Variants in GMPR observed in about 807,000 individuals in gnomAD.
The protein encoded by GMPR is guanosine monophosphate reductase, also known as GMP reductase 1.
A neutral mutation model predicts 38.4 loss-of-function variants in GMPR; 31 were observed. The ratio of observed to expected loss-of-function variants is 0.81; its 90% CI spans 0.61 to 1.09. The LOEUF (loss-of-function observed/expected upper bound fraction) is 1.09, where lower values mean the gene tolerates loss of function less well. GMPR is among the 50% of genes least tolerant of loss of function. The probability of loss-of-function intolerance (pLI) is 0.00; values close to 1 mark genes in which losing one functional copy is unlikely to be tolerated. For synonymous variants in GMPR, 162 were observed against 173.3 expected (o/e 0.93, Z 0.51); for missense variants, 468 against 453.7 (o/e 1.03, Z -0.29).
At chr6:16,266,258 T>C (rs557625309) in intron 4 of GMPR, among the ~76,000 whole-genome samples, 1 of 151,598 alleles carries the variant, frequency 6.6e-6, no homozygotes, top group South Asian at 2.1e-4. Context: ...GCTGTAACAC[T>C]CACTGCGAAG....
chr6:16,240,519 C>T (rs1275184570), intron 1 of GMPR, among the ~76,000 whole-genome samples: 3 of 152,168 alleles, frequency 2.0e-5, no homozygotes. Flanking sequence ...ACCTGTAGTC[C>T]CAGCTACTTG....
chr6:16,265,054 A>C (rs1759165086), intron 4 of GMPR, among the ~76,000 whole-genome samples: 1 of 152,164 alleles, frequency 6.6e-6, no homozygotes. Context: ...AAAGAGAATA[A>C]TGTGTTCTCG....
At chr6:16,264,953 C>T (rs1275278506) in intron 4 of GMPR, among the ~76,000 whole-genome samples, 2 of 152,140 alleles carry the variant, frequency 1.3e-5, no homozygotes, top group Non-Finnish European at 2.9e-5. Flanking sequence ...TTTTAGAGAA[C>T]ACCTTTGTCA....
At chr6:16,242,224 G>T (rs1299490343) in intron 1 of GMPR, among the ~76,000 whole-genome samples, 2 of 152,150 alleles carry the variant, frequency 1.3e-5, no homozygotes, top group Non-Finnish European at 2.9e-5. Context: ...AAGAGTTCTG[G>T]TCTAGCTTTC....
At chr6:16,266,175 AACACTTGCCATCTTTAAGAG>A (rs1278997876) in intron 4 of GMPR, among the ~76,000 whole-genome samples, 16 of 67,942 alleles carry the variant, frequency 2.4e-4, no homozygotes, top group Admixed American at 4.0e-4. Context: ...TAAGAGCTGT[AACACTTGCCATCTTTAAGAG>A]CTGTAACACT....
At chr6:16,266,982 G>A (rs538572767) in intron 4 of GMPR, among the ~76,000 whole-genome samples, 1 of 151,792 alleles carries the variant, frequency 6.6e-6, no homozygotes, top group Non-Finnish European at 1.5e-5. Flanking sequence ...GAACCCACGA[G>A]GAGGAACGAA....
At chr6:16,279,723 G>C (rs1759542946) in intron 6 of GMPR, among the ~76,000 whole-genome samples, 2 of 152,184 alleles carry the variant, frequency 1.3e-5, no homozygotes, top group South Asian at 4.1e-4. Flanking sequence ...ACCTGAGAGG[G>C]GCAGGCGTGA....
At chr6:16,254,054 C>T (rs1758926931) in intron 3 of GMPR, among the ~76,000 whole-genome samples, 1 of 152,118 alleles carries the variant, frequency 6.6e-6, no homozygotes, top group Admixed American at 6.5e-5. Context: ...CCTCAGCCTC[C>T]CAAGGAGCTG....
chr6:16,275,121 G>C (rs1441201845), intron 5 of GMPR, among the ~76,000 whole-genome samples: 1 of 152,128 alleles, frequency 6.6e-6, no homozygotes, highest in Non-Finnish European at 1.5e-5. Context: ...CATGGGGCAG[G>C]GTTACTGTTC....
At chr6:16,247,444 G>T (rs1561819153) in intron 2 of GMPR, among the ~76,000 whole-genome samples, 1 of 151,082 alleles carries the variant, frequency 6.6e-6, no homozygotes, top group African/African-American at 2.4e-5. Flanking sequence ...ACGTGATCTT[G>T]GCTCACTGCA....
intron 1 of GMPR, among the ~76,000 whole-genome samples, chr6:16,242,214 A>T (rs979166615): frequency 6.6e-6 from 1 of 152,130 alleles, no homozygotes; most frequent in Non-Finnish European, 1.5e-5. Flanking sequence ...GTCCCGTGAG[A>T]AGAGTTCTGG....
intron 5 of GMPR, among the ~76,000 whole-genome samples, chr6:16,277,420 G>A (rs910907757): frequency 6.6e-5 from 10 of 152,180 alleles, no homozygotes; most frequent in East Asian, 1.9e-4. Flanking sequence ...TCCCACCCCC[G>A]GGTCTGGTGG....
At chr6:16,288,305 T>C (rs1257409063) in intron 7 of GMPR, among the ~76,000 whole-genome samples, 1 of 152,180 alleles carries the variant, frequency 6.6e-6, no homozygotes, top group Non-Finnish European at 1.5e-5. Flanking sequence ...GCGGGCCAGC[T>C]GGAGTTCCGG....
At chr6:16,278,978 G>A (rs1759528768) in intron 6 of GMPR, 88 bp downstream of exon 6, 8 of 776,128 alleles carry the variant, frequency 1.0e-5, no homozygotes, top group Non-Finnish European at 1.7e-5. Context: ...GGCATCCTGT[G>A]GGCATGGGAG....
At position 16,286,512 on chromosome 6, in the gene GMPR, C is replaced by T. The variant is rs554804765; in HGVS notation, c.697+677C>T. On this transcript the variant is annotated intron_variant, in intron 7 of 8. Transcript: ENST00000259727. Reference sequence around the variant, plus strand: ...TGTGGGTGCCGGCGGGAGGCAGAAACGAAGCTCCCATGCCTCCGCCCTTTG... The same window carrying T: ...TGTGGGTGCCGGCGGGAGGCAGAAATGAAGCTCCCATGCCTCCGCCCTTTG... Among the ~76,000 whole-genome samples the T allele has an allele frequency of 4.0e-5, 6 of 151,334 alleles. No homozygotes were observed. The East Asian group carries it at 9.7e-4, about 24-fold the overall frequency.
intron 4 of GMPR, among the ~76,000 whole-genome samples, chr6:16,267,120 T>C (rs971995739): frequency 2.6e-5 from 4 of 151,900 alleles, no homozygotes; most frequent in Admixed American, 6.6e-5. Flanking sequence ...TCCCGGCACT[T>C]TGGGAGGCCG....
chr6:16,257,961 C>A (rs1759011092), intron 4 of GMPR: 1 of 152,252 alleles, frequency 6.6e-6, no homozygotes, highest in Non-Finnish European at 1.5e-5. Flanking sequence ...AGTGTGGGCA[C>A]ATGAGCTGAG....
intron 4 of GMPR, among the ~76,000 whole-genome samples, chr6:16,266,148 GTAA>G: frequency 8.3e-6 from 1 of 121,128 alleles, no homozygotes; most frequent in East Asian, 2.8e-4. Flanking sequence ...TTTAAGAGCT[GTAA>G]CACTTGCCAT....
chr6:16,262,514 T>TCAGGCTGCGGTTCA (rs1461745230), intron 4 of GMPR: 3 of 151,988 alleles, frequency 2.0e-5, no homozygotes, highest in African/African-American at 7.2e-5. Flanking sequence ...TTCAGGCGTT[T>TCAGGCTGCGGTTCA]GGAAGTTCTT....
Sources: allele counts gnomAD v4.1 joint callset (sites outside exome capture counted in the v4.1 genomes callset), GRCh38; gene constraint gnomAD v4.1.1; transcripts MANE v1.5; gene names NCBI Gene and HGNC (gene_info 2026-07-23, HGNC 2026-07-21).